Variants in MTHFD1L observed in about 807,000 individuals in gnomAD.
The protein encoded by MTHFD1L is monofunctional C1-tetrahydrofolate synthase, mitochondrial.
A neutral mutation model predicts 119.5 loss-of-function variants in MTHFD1L; 81 were observed. The observed-to-expected ratio is 0.68, with a 90% CI of 0.57 to 0.82. MTHFD1L has a LOEUF of 0.82. MTHFD1L is among the 40% of genes least tolerant of loss of function. The pLI is 0.00. For missense variants in MTHFD1L, 1,125 were observed against 1,253.4 expected (o/e 0.90, Z 1.55); for synonymous variants, 430 against 475.2 (o/e 0.90, Z 1.24).
chr6:151,062,433 CA>C (rs1223097760), intron 26 of MTHFD1L, among the ~76,000 whole-genome samples: 1 of 149,960 alleles, frequency 6.7e-6, no homozygotes, highest in African/African-American at 2.5e-5. Context: ...GACTCCATCT[CA>C]AAAAAAAAGA....
intron 20 of MTHFD1L, among the ~76,000 whole-genome samples, chr6:150,983,240 T>C (rs1488913483): frequency 1.3e-5 from 2 of 151,214 alleles, no homozygotes; most frequent in Non-Finnish European, 2.9e-5. Flanking sequence ...TTAAATATGC[T>C]TGTTGTACCT....
intron 24 of MTHFD1L, among the ~76,000 whole-genome samples, chr6:151,018,484 G>A (rs1562547676): frequency 6.6e-6 from 1 of 152,140 alleles, no homozygotes; most frequent in Non-Finnish European, 1.5e-5. Context: ...TCCCTCTTAG[G>A]TGGAAACTGG....
Position 151,039,167 on chromosome 6 carries a change from C to T in MTHFD1L, c.2847+2050C>T, listed in dbSNP as rs1440941656. On this transcript the variant is annotated intron_variant, in intron 26 of 27. Coordinates refer to ENST00000367321, the MANE Select transcript of MTHFD1L (RefSeq NM_015440.5). The surrounding 1 kb of genome is among the most constrained non-coding windows in gnomAD (Gnocchi z 4.4). ...CCTAGCAGGGGTGCCTTCCAGGAGG[C>T]GGGAAGGAAGGAGCAGCGGCATGGC... Among the ~76,000 whole-genome samples the T allele has an allele frequency of 1.3e-5, 2 of 151,938 alleles. No homozygotes were observed. The highest frequency in any genetic ancestry group is 2.1e-4 in the South Asian group (1 of 4,806).
intron 1 of MTHFD1L, among the ~76,000 whole-genome samples, chr6:150,875,731 G>T (rs751762648): frequency 5.3e-5 from 8 of 152,052 alleles, no homozygotes; most frequent in Non-Finnish European, 1.0e-4. Context: ...AGGGTTTTGG[G>T]AGGATGGCAG....
intron 24 of MTHFD1L, among the ~76,000 whole-genome samples, chr6:151,025,209 G>A (rs1320538807): frequency 6.6e-6 from 1 of 152,252 alleles, no homozygotes; most frequent in Non-Finnish European, 1.5e-5. Flanking sequence ...GAGTGAACCT[G>A]TTGCTCAGGG....
intron 8 of MTHFD1L, among the ~76,000 whole-genome samples, chr6:150,909,350 G>T (rs1001756941): frequency 9.9e-5 from 15 of 151,144 alleles, no homozygotes; most frequent in African/African-American, 3.6e-4. Flanking sequence ...ACAGTGGCAC[G>T]ATCACAGCCT....
At chr6:150,878,999 C>T (rs942353891) in intron 4 of MTHFD1L, among the ~76,000 whole-genome samples, 1 of 152,160 alleles carries the variant, frequency 6.6e-6, no homozygotes, top group Non-Finnish European at 1.5e-5. Context: ...TACATCCATC[C>T]CGTTGTCCCC....
In MTHFD1L at chr6:150,956,072, G is replaced by A. The variant is rs1217671496; in HGVS notation, c.1803+1G>A. The A allele has an allele frequency of 1.2e-6, 2 of 1,613,566 alleles. No homozygotes were observed. The highest frequency in any genetic ancestry group is 1.7e-6 in the Non-Finnish European group (2 of 1,179,452). On this transcript the variant is annotated splice_donor_variant, in intron 17 of 27. Transcript: ENST00000367321. LOFTEE classifies it high-confidence loss of function. Reference sequence around the variant, plus strand: ...CACAGAGAAGGGCCATTACCGGCAGGTAGGTGGTGCTTTCTTCCCGGGTGT... The same window carrying A: ...CACAGAGAAGGGCCATTACCGGCAGATAGGTGGTGCTTTCTTCCCGGGTGT...
intron 11 of MTHFD1L, among the ~76,000 whole-genome samples, chr6:150,932,313 T>C (rs1583628903): frequency 1.3e-5 from 2 of 152,226 alleles, no homozygotes; most frequent in Admixed American, 1.3e-4. Context: ...GAGACAGGCA[T>C]GTCAGAATGC....
chr6:150,913,351 G>C (rs181586997), intron 8 of MTHFD1L, among the ~76,000 whole-genome samples: 279 of 151,724 alleles, frequency 1.8e-3, no homozygotes, highest in African/African-American at 6.3e-3. Context: ...ATTTTTAGTA[G>C]AGACGGGGTT....
At chr6:150,868,242 G>A (rs987701161) in intron 1 of MTHFD1L, among the ~76,000 whole-genome samples, 1 of 152,090 alleles carries the variant, frequency 6.6e-6, no homozygotes, top group African/African-American at 2.4e-5. Flanking sequence ...CTTACCTCAA[G>A]GGGTTATGGA....
chr6:151,052,131 C>T (rs76933627), intron 26 of MTHFD1L, among the ~76,000 whole-genome samples: 2,848 of 152,270 alleles, frequency 0.019, 113 homozygotes, highest in African/African-American at 0.065. Context: ...GACTTCAAAC[C>T]GGCACGGCAG....
At chr6:150,881,351 C>T (rs1781367987) in intron 4 of MTHFD1L, among the ~76,000 whole-genome samples, 1 of 152,132 alleles carries the variant, frequency 6.6e-6, no homozygotes, top group African/African-American at 2.4e-5. Context: ...GCTCTCTTTC[C>T]ACAATGTGTG....
intron 26 of MTHFD1L, among the ~76,000 whole-genome samples, chr6:151,052,366 T>C (rs1038188732): frequency 1.3e-5 from 2 of 152,148 alleles, no homozygotes; most frequent in African/African-American, 4.8e-5. Context: ...TTACCAAGAC[T>C]GGAAAGACCC....
chr6:150,973,284 T>A (rs561003800), intron 20 of MTHFD1L, among the ~76,000 whole-genome samples: 1 of 152,366 alleles, frequency 6.6e-6, no homozygotes, highest in South Asian at 2.1e-4. Flanking sequence ...GAGACTCTTT[T>A]AAGAATTCCT....
intron 20 of MTHFD1L, among the ~76,000 whole-genome samples, chr6:150,989,017 G>C (rs1778706946): frequency 6.6e-6 from 1 of 152,268 alleles, no homozygotes; most frequent in Non-Finnish European, 1.5e-5. Flanking sequence ...TGGGATTACA[G>C]GCGTGAGCCA....
In MTHFD1L at chr6:150,877,624, C is replaced by T. The variant is rs375886287; in HGVS notation, c.313-10C>T. 3.7e-6 allele frequency: 6 copies of T among 1,613,766 alleles called. No homozygotes were observed. In the African/African-American group the frequency reaches 5.3e-5, roughly 14 times the overall value. On this transcript the variant is annotated splice_polypyrimidine_tract_variant and intron_variant, in intron 2 of 27. Transcript: ENST00000367321. Reference sequence around the variant, plus strand: ...TTTTTATGTTGTTATGTTGTTTTTACCTTCCTAAGGCAGGTGACGACAACT... The same window carrying T: ...TTTTTATGTTGTTATGTTGTTTTTATCTTCCTAAGGCAGGTGACGACAACT...
intron 7 of MTHFD1L, among the ~76,000 whole-genome samples, chr6:150,889,368 C>T (rs1465462752): frequency 2.0e-5 from 3 of 151,918 alleles, no homozygotes; most frequent in African/African-American, 4.8e-5. Flanking sequence ...AAGAGGTTGG[C>T]GTTGGAAGGA....
At chr6:151,010,157 C>T (rs1322672529) in intron 21 of MTHFD1L, among the ~76,000 whole-genome samples, 199 bp downstream of exon 21, 1 of 152,078 alleles carries the variant, frequency 6.6e-6, no homozygotes, top group Non-Finnish European at 1.5e-5. Context: ...TTTTTCCCAA[C>T]ACCACCATAG....
Sources: gnomAD v4.1 joint callset for allele counts (sites outside exome capture counted in the v4.1 genomes callset) on GRCh38, gnomAD v4.1.1 for gene constraint, Gnocchi (gnomAD v3.1) non-coding constraint, MANE v1.5 for transcripts, NCBI Gene and HGNC (gene_info 2026-07-23, HGNC 2026-07-21) for gene names.